Variants in NLRP1 observed in about 807,000 individuals in gnomAD.
NLRP1 encodes the protein NACHT, LRR and PYD domains-containing protein 1.
Under a neutral mutation model 136.7 loss-of-function variants are expected in NLRP1, and 94 were observed. The observed-to-expected ratio is 0.69, with a 90% CI of 0.58 to 0.82. NLRP1 has a LOEUF of 0.82. Among genes scored for constraint, NLRP1 ranks in the 40% least tolerant of loss-of-function variants. The pLI is 0.00. For synonymous variants in NLRP1, 690 were observed against 725.1 expected, an observed-to-expected ratio of 0.95 and a Z score of 0.78; for missense variants, 1,575 against 1,802.7, an observed-to-expected ratio of 0.87 and a Z score of 2.29.
At chr17:5,512,033 G>A, downstream of NLRP1, 1 of 630,918 alleles carries the variant, frequency 1.6e-6, no homozygotes, top group Non-Finnish European at 2.9e-6. Flanking sequence ...GACAGTACTA[G>A]TTGTTATCAA....
Position 5,554,791 on chromosome 17 carries a change from G to A in NLRP1, c.2358-1235C>T, listed in dbSNP as rs1376416326. 5.9e-5 allele frequency among the ~76,000 whole-genome samples: 9 copies of A among 152,158 alleles called. No homozygotes were observed. In the East Asian group the frequency reaches 1.7e-3, roughly 29 times the overall value. ...AATCCCAGTACTTGAGGAGGTAGAG[G>A]CAGGAGGATCGATTGAGCCCAGGAG... On this transcript the variant is annotated intron_variant, in intron 4 of 16. Coordinates refer to ENST00000572272, the MANE Select transcript of NLRP1 (RefSeq NM_033004.4).
chr17:5,552,123 A>G (rs11650371), intron 5 of NLRP1, among the ~76,000 whole-genome samples: 25,982 of 130,646 alleles, frequency 0.2, 3,620 homozygotes, highest in East Asian at 0.74. Context: ...TTTAAATAGA[A>G]GTATTTATAA....
At chr17:5,525,663 G>A (rs929613189) in intron 12 of NLRP1, among the ~76,000 whole-genome samples, 21 of 152,232 alleles carry the variant, frequency 1.4e-4, no homozygotes, top group African/African-American at 4.8e-4. Context: ...CTAAATGATA[G>A]GGACTGCCTG....
rs1482405485 is a variant in NLRP1, at chr17:5,504,014, A to G, written c.4070-2142T>C. ...GTATTTGCCTCTGGAAGAAAGATAC[A>G]CTGTCTGAGTCAATAGGAATCAGAG... On this transcript the variant is annotated intron_variant, in intron 15 of 15. Coordinates refer to the NLRP1 transcript ENST00000262467. This position sits in a 1 kb window ranked among gnomAD's most constrained non-coding sequence, Gnocchi z 4.4. The G allele has an allele frequency of 6.6e-6, 1 of 152,246 alleles. No individual in the cohort carries two copies. The highest frequency in any genetic ancestry group is 1.5e-5 in the Non-Finnish European group (1 of 68,058). The allele number at this position is 152,246 out of a possible 1,614,324, so 9.4% of individuals were successfully genotyped here. A position where few individuals can be genotyped will look rare whatever the true frequency, so the allele number is the denominator to read the frequency against.
intron 4 of NLRP1, among the ~76,000 whole-genome samples, chr17:5,556,782 T>C (rs11653706): frequency 0.2 from 30,345 of 151,680 alleles, 4,153 homozygotes; most frequent in East Asian, 0.72. Flanking sequence ...TGACACCATT[T>C]TCGGCTAATT....
chr17:5,553,548 C>A lies in NLRP1; in HGVS notation c.2366G>T (p.Trp789Leu), dbSNP rs904878313. The A allele has an allele frequency of 2.5e-6, 4 of 1,613,636 alleles. No homozygotes were observed. The highest frequency in any genetic ancestry group is 2.5e-6 in the Non-Finnish European group (3 of 1,179,746). ...WSPTMVVLFR[W>L]VPVTDAYWQI... ...CCAATAGGCATCTGTGACTGGGACC[C>A]ACCTGAACCTGAGGGGGAGAGAGAA... The change falls in exon 5 of 17, where the codon TGG becomes TTG. Residue 789 changes from tryptophan (W) to leucine (L), a missense_variant. By Grantham distance (61) the Trp-to-Leu change is moderately conservative. Transcript: ENST00000572272.
intron 5 of NLRP1, among the ~76,000 whole-genome samples, chr17:5,542,257 A>G (rs1432758813): frequency 6.7e-6 from 1 of 150,222 alleles, no homozygotes; most frequent in Non-Finnish European, 1.5e-5. Context: ...GTTTTCCCAC[A>G]TTACTCAGAA....
chr17:5,577,496 A>G (rs1229644999), intron 3 of NLRP1, among the ~76,000 whole-genome samples: 4 of 152,228 alleles, frequency 2.6e-5, no homozygotes, highest in African/African-American at 9.6e-5. Context: ...TCTTGAGTGA[A>G]CTTGCATTCA....
In NLRP1 at chr17:5,504,137, TAGCAGCAGCAGC is replaced by T. The variant is rs146109783; in HGVS notation, c.4070-2277_4070-2266del. On this transcript the variant is annotated intron_variant, in intron 15 of 15. Transcript: ENST00000262467. The surrounding 1 kb of genome is among the most constrained non-coding windows in gnomAD (Gnocchi z 4.4). ...GGAATCCTAGGACACACATGGATGA[TAGCAGCAGCAGC>T]AGCAGCAGCCAATCACTGGCCACCG... is the stretch of plus-strand genomic sequence containing the variant. 6.4e-6 allele frequency: 1 copy of T among 156,280 alleles called. No individual in the cohort carries two copies. The highest frequency in any genetic ancestry group is 1.7e-4 in the South Asian group (1 of 5,792). The allele number at this position is 156,280 out of a possible 1,614,324, so 9.7% of individuals were successfully genotyped here. A position where few individuals can be genotyped will look rare whatever the true frequency, so the allele number is the denominator to read the frequency against.
intron 3 of NLRP1, among the ~76,000 whole-genome samples, chr17:5,564,022 A>G (rs1248445534): frequency 1.3e-5 from 2 of 152,116 alleles, no homozygotes; most frequent in African/African-American, 4.8e-5. Flanking sequence ...TCCAGCCAAT[A>G]ATTTCTTTTC....
intron 3 of NLRP1, among the ~76,000 whole-genome samples, chr17:5,565,498 G>C (rs1465916083): frequency 6.6e-6 from 1 of 152,056 alleles, no homozygotes; most frequent in African/African-American, 2.4e-5. Context: ...ACATGATCTT[G>C]TTTGTCCATG....
intron 4 of NLRP1, 96 bp from the exon 5 acceptor site, chr17:5,553,652 G>A: frequency 8.7e-7 from 1 of 1,144,150 alleles, no homozygotes; most frequent in Non-Finnish European, 1.3e-6. Context: ...TTGTCCCCCT[G>A]AGCACCAGGC....
At chr17:5,542,827 C>T (rs983372055) in intron 5 of NLRP1, among the ~76,000 whole-genome samples, 2 of 150,062 alleles carry the variant, frequency 1.3e-5, no homozygotes, top group East Asian at 4.0e-4. Context: ...CTCCTTCCCT[C>T]CCTCCCTTCC....
intron 5 of NLRP1, among the ~76,000 whole-genome samples, chr17:5,553,099 GC>G (rs1477120461): frequency 5.3e-5 from 8 of 152,146 alleles, no homozygotes; most frequent in Non-Finnish European, 1.2e-4. Flanking sequence ...TCTCCACAGA[GC>G]CTTTGTACAT....
At chr17:5,509,184 C>T (rs1052554971), downstream of NLRP1, among the ~76,000 whole-genome samples, 2 of 152,234 alleles carry the variant, frequency 1.3e-5, no homozygotes, top group African/African-American at 4.8e-5. Context: ...AACAGTCATG[C>T]TCCTGTCTAG....
chr17:5,533,973 C>T lies in NLRP1; in HGVS notation c.2976G>A (p.Met992Ile). 1 of 1,611,478 alleles carries T rather than the reference C, an allele frequency of 6.2e-7. No homozygotes were observed. Among genetic ancestry groups the T allele is most frequent in the Non-Finnish European group, 8.5e-7 (1 of 1,177,604 alleles). The change falls in exon 9 of 17, where the codon ATG (methionine) becomes ATA (isoleucine). Residue 992 changes from methionine to isoleucine, a missense_variant. Coordinates refer to ENST00000572272, the MANE Select transcript of NLRP1 (RefSeq NM_033004.4). ...LIFSRRKPSV[M>I]TPTEGLDTGE... ...CCGTATCCAGGCCCTCAGTAGGGGT[C>T]ATCACACTTGGTTTCCTGGACAAAG...
At chr17:5,511,824 TTTTC>T (rs1907658917), downstream of NLRP1, among the ~76,000 whole-genome samples, 1 of 150,520 alleles carries the variant, frequency 6.6e-6, no homozygotes, top group African/African-American at 2.4e-5. Flanking sequence ...TCCTTCCTCT[TTTTC>T]TTCATTCCTT....
intron 15 of NLRP1, among the ~76,000 whole-genome samples, chr17:5,517,352 C>T (rs1256609282): frequency 1.4e-5 from 1 of 70,380 alleles, no homozygotes; most frequent in Non-Finnish European, 3.2e-5. Context: ...CACTCTGCAC[C>T]CCCCCCCCTC....
intron 3 of NLRP1, among the ~76,000 whole-genome samples, chr17:5,573,012 G>A (rs1465527003): frequency 6.6e-6 from 1 of 152,172 alleles, no homozygotes; most frequent in Non-Finnish European, 1.5e-5. Context: ...GCCAAAGCAG[G>A]GCGAGGCATT....
Sources: gnomAD v4.1 joint callset for allele counts (sites outside exome capture counted in the v4.1 genomes callset) on GRCh38, gnomAD v4.1.1 for gene constraint, Gnocchi (gnomAD v3.1) non-coding constraint, MANE v1.5 for transcripts, NCBI Gene and HGNC (gene_info 2026-07-23, HGNC 2026-07-21) for gene names.